Variants in C6orf58 observed in about 807,000 individuals in gnomAD.
The protein encoded by C6orf58 is protein LEG1 homolog.
C6orf58 carries 30 observed loss-of-function variants against 37.0 expected under a neutral mutation model. The observed-to-expected ratio is 0.81, with a 90% CI of 0.61 to 1.10. The LOEUF (loss-of-function observed/expected upper bound fraction) is 1.10, where lower values mean the gene tolerates loss of function less well. Among genes scored for constraint, C6orf58 ranks in the 50% least tolerant of loss-of-function variants. C6orf58 has a pLI of 0.00. For missense variants in C6orf58, 368 were observed against 387.5 expected (o/e 0.95, Z 0.42); for synonymous variants, 143 against 134.1 (o/e 1.07, Z -0.46).
At chr6:127,585,122 A>G (rs529899645) in intron 4 of C6orf58, among the ~76,000 whole-genome samples, 5 of 152,336 alleles carry the variant, frequency 3.3e-5, no homozygotes, top group African/African-American at 9.6e-5. Context: ...TAACACATCC[A>G]TACAAATACA....
At chr6:127,580,542 C>T in intron 3 of C6orf58, 93 bp downstream of exon 3, 1 of 904,950 alleles carries the variant, frequency 1.1e-6, no homozygotes, top group Admixed American at 2.2e-5. Context: ...TAATATTTTC[C>T]TTAGTATGCA....
At position 127,591,582 on chromosome 6, in the gene C6orf58, A is replaced by G; in HGVS notation, c.953A>G (p.His318Arg). ...CTEKSNVYRD[H>R]SESSSRSYGN... The stretch of plus-strand genomic sequence containing the variant: ...GAAAAATCTAATGTATATAGAGATC[A>G]TTCGGAATCTAGCTCTAGAAGTTAT... Residue 318 changes from histidine to arginine, a missense_variant, in exon 6 of 6, where the codon CAT becomes CGT. His to Arg is a conservative substitution (Grantham distance 29). Coordinates refer to ENST00000329722, the MANE Select transcript of C6orf58 (RefSeq NM_001010905.3). 1 of 1,532,592 alleles carries G rather than the reference A, an allele frequency of 6.5e-7. No individual in the cohort carries two copies. The highest frequency in any genetic ancestry group is 8.7e-7 in the Non-Finnish European group (1 of 1,146,148). 94.9% of individuals were successfully genotyped at this position (1,532,592 alleles called of 1,614,324 possible).
chr6:127,585,859 C>G (rs1178426719), intron 4 of C6orf58, among the ~76,000 whole-genome samples: 2 of 152,076 alleles, frequency 1.3e-5, no homozygotes, highest in African/African-American at 4.8e-5. Flanking sequence ...TCCTATACTT[C>G]CTCTCTTCTC....
chr6:127,584,295 T>C (rs1007195009), intron 4 of C6orf58, among the ~76,000 whole-genome samples: 3 of 152,300 alleles, frequency 2.0e-5, no homozygotes, highest in African/African-American at 7.2e-5. Flanking sequence ...CTTACCAGCA[T>C]TATCAGTTTA....
At chr6:127,579,115 A>C (rs1775021191) in intron 2 of C6orf58, among the ~76,000 whole-genome samples, 1 of 152,132 alleles carries the variant, frequency 6.6e-6, no homozygotes, top group South Asian at 2.1e-4. Flanking sequence ...TGAGACATCA[A>C]GACAAATGAT....
At chr6:127,580,177 A>T in intron 2 of C6orf58, 88 bp from the exon 3 acceptor site, 1 of 1,028,152 alleles carries the variant, frequency 9.7e-7, no homozygotes, top group South Asian at 1.7e-5. Context: ...GGGTCTGTGA[A>T]TTTTTTTATG....
chr6:127,584,033 C>T (rs897375667), intron 4 of C6orf58, among the ~76,000 whole-genome samples: 1 of 152,122 alleles, frequency 6.6e-6, no homozygotes, highest in South Asian at 2.1e-4. Flanking sequence ...GTTTGTAATA[C>T]CTTTTTAAAC....
At position 127,587,915 on chromosome 6, in the gene C6orf58, T is replaced by C. The variant is rs914615173; in HGVS notation, c.675-2172T>C. ...ATTTTAAAGGCAAATTGACAGGGTT[T>C]AAAACAGGGCCCTGCAATTTACTAT... On this transcript the variant is annotated intron_variant, in intron 4 of 5. Transcript: ENST00000329722. 9.9e-5 allele frequency among the ~76,000 whole-genome samples: 15 copies of C among 152,218 alleles called. 1 individual carries two copies. The highest frequency in any genetic ancestry group is 1.3e-4 in the Admixed American group (2 of 15,278).
chr6:127,577,285 A>T lies in C6orf58; in HGVS notation c.100A>T (p.Lys34Ter), dbSNP rs748596729. 6 of 1,613,362 alleles carry T rather than the reference A, an allele frequency of 3.7e-6. No homozygotes were observed. In the Admixed American group the frequency reaches 1.0e-4, roughly 27 times the overall value. The part of the protein sequence containing the change: ...NLSETEPPLW[K>*]ESPGQLSDYR... Reference sequence around the variant, plus strand: ...CTCAGAGACAGAGCCCCCTCTGTGGAAGGAGAGTCCTGGTCAGCTCAGTGA... The same window carrying T: ...CTCAGAGACAGAGCCCCCTCTGTGGTAGGAGAGTCCTGGTCAGCTCAGTGA... The change falls in exon 1 of 6, where the codon AAG becomes TAG. Residue 34 changes from lysine (K) to a stop codon, truncating the protein, a stop_gained. Coordinates refer to ENST00000329722, the MANE Select transcript of C6orf58 (RefSeq NM_001010905.3). LOFTEE classifies it high-confidence loss of function.
intron 4 of C6orf58, among the ~76,000 whole-genome samples, chr6:127,584,708 AG>A (rs1178410616): frequency 6.6e-6 from 1 of 150,810 alleles, no homozygotes; most frequent in African/African-American, 2.4e-5. Context: ...CGGGAGGCAG[AG>A]GTTGCAGTGA....
chr6:127,590,797 T>C (rs1339416235), intron 5 of C6orf58, among the ~76,000 whole-genome samples: 1 of 152,150 alleles, frequency 6.6e-6, no homozygotes, highest in Non-Finnish European at 1.5e-5. Flanking sequence ...AAGGGTTTTA[T>C]TCTAGCCCTT....
intron 1 of C6orf58, among the ~76,000 whole-genome samples, chr6:127,578,310 T>G (rs1000503280): frequency 1.4e-4 from 21 of 152,112 alleles, no homozygotes; most frequent in African/African-American, 5.1e-4. Context: ...TTAGAGGTTA[T>G]TTAGATAAAG....
chr6:127,580,222 T>C (rs1292536216), intron 2 of C6orf58, 43 bp from the exon 3 acceptor site: 1 of 1,434,612 alleles, frequency 7.0e-7, no homozygotes, highest in South Asian at 1.3e-5. Context: ...CTCTTTGAAA[T>C]TTGTTAGTGC....
At chr6:127,579,485 A>G (rs1413750602) in intron 2 of C6orf58, among the ~76,000 whole-genome samples, 2 of 152,058 alleles carry the variant, frequency 1.3e-5, no homozygotes, top group Non-Finnish European at 2.9e-5. Context: ...TCTAGAATTC[A>G]GAGTTTGTTA....
rs1774998139 is a variant in C6orf58, at chr6:127,577,245, A to G, written c.60A>G (p.Ala20=). 1 of 1,613,560 alleles carries G rather than the reference A, an allele frequency of 6.2e-7. No individual in the cohort carries two copies. Among genetic ancestry groups the G allele is most frequent in the Non-Finnish European group, 8.5e-7 (1 of 1,179,624 alleles). The change falls in exon 1 of 6, where the codon GCA becomes GCG. Residue 20 remains alanine, a synonymous_variant. Coordinates refer to ENST00000329722, the MANE Select transcript of C6orf58 (RefSeq NM_001010905.3). ...TTGGTTCCTTTTCTGCTTCCTTAGC[A>G]GGGACTTCCAATCTCTCAGAGACAG... The part of the protein sequence containing the change: ...VLVGSFSASL[A]GTSNLSETEP...
intron 4 of C6orf58, among the ~76,000 whole-genome samples, chr6:127,587,489 T>C (rs1775119125): frequency 6.6e-6 from 1 of 152,228 alleles, no homozygotes; most frequent in Non-Finnish European, 1.5e-5. Context: ...TATGATTATT[T>C]TGGAAGATTT....
In C6orf58 at chr6:127,581,604, A is replaced by G. The variant is rs184333464; in HGVS notation, c.674+322A>G. 5.0e-4 allele frequency among the ~76,000 whole-genome samples: 76 copies of G among 152,266 alleles called. 1 individual carries two copies. The highest frequency in any genetic ancestry group is 7.9e-4 in the Admixed American group (12 of 15,286). Reference sequence around the variant, plus strand: ...TAGATGACCTTTATTATTTAATCATAGACACTGTTACAAGAAAAACTATAG... The same window carrying G: ...TAGATGACCTTTATTATTTAATCATGGACACTGTTACAAGAAAAACTATAG... On this transcript the variant is annotated intron_variant, in intron 4 of 5. Transcript: ENST00000329722.
intron 4 of C6orf58, among the ~76,000 whole-genome samples, chr6:127,589,661 C>A (rs1775140947): frequency 6.6e-6 from 1 of 152,014 alleles, no homozygotes; most frequent in Non-Finnish European, 1.5e-5. Context: ...TTCTAGAAAT[C>A]TCAATGTTTC....
rs149295016 is a variant in C6orf58 at position 127,577,481 on chromosome 6, G to A, written c.296G>A (p.Arg99Lys). The A allele has an allele frequency of 4.5e-5, 73 of 1,613,208 alleles. No individual in the cohort carries two copies. Among genetic ancestry groups the A allele is most frequent in the Admixed American group, 4.3e-4 (26 of 59,942 alleles). Residue 99 changes from arginine (R) to lysine (K), a missense_variant, in exon 1 of 6, where the codon AGG becomes AAG. By Grantham distance (26) the Arg-to-Lys change is conservative. Transcript: ENST00000329722. Reference sequence around the variant, plus strand: ...CCTCTGCAGTATGGCTGGCAATATAGGACAGGTAAGAATGACTCTTGTTTT... The same window carrying A: ...CCTCTGCAGTATGGCTGGCAATATAAGACAGGTAAGAATGACTCTTGTTTT... The part of the protein sequence containing the change: ...GLPLQYGWQY[R>K]TGRLADPTRR...
Sources: gnomAD v4.1 joint callset for allele counts (sites outside exome capture counted in the v4.1 genomes callset) on GRCh38, gnomAD v4.1.1 for gene constraint, MANE v1.5 for transcripts, NCBI Gene and HGNC (gene_info 2026-07-23, HGNC 2026-07-21) for gene names.